The following PTPN4 variants were observed in gnomAD, a reference collection of about 807,000 sequenced individuals.
The protein encoded by PTPN4 is tyrosine-protein phosphatase non-receptor type 4.
Under a neutral mutation model 135.5 loss-of-function variants are expected in PTPN4, and 49 were observed. The ratio of observed to expected loss-of-function variants is 0.36; its 90% CI spans 0.29 to 0.46. PTPN4 has a LOEUF of 0.46. Ranked by LOEUF, PTPN4 falls within the 20% of genes least tolerant of loss-of-function variation. The pLI is 1.00. For synonymous variants in PTPN4, 333 were observed against 369.9 expected, an observed-to-expected ratio of 0.90 and a Z score of 1.14; for missense variants, 860 against 1,101.0, an observed-to-expected ratio of 0.78 and a Z score of 3.10.
chr2:119,847,982 A>G (rs1677530445), intron 2 of PTPN4, among the ~76,000 whole-genome samples: 1 of 148,732 alleles, frequency 6.7e-6, no homozygotes, highest in Non-Finnish European at 1.5e-5. Flanking sequence ...AGGAGTTGTC[A>G]TTTTTTCTTT....
At chr2:119,865,318 A>G (rs1183654627) in intron 3 of PTPN4, among the ~76,000 whole-genome samples, 1 of 152,172 alleles carries the variant, frequency 6.6e-6, no homozygotes, top group Non-Finnish European at 1.5e-5. Context: ...AGTATCATTT[A>G]TAAAACATCT....
At chr2:119,830,135 C>T (rs1677198362) in intron 2 of PTPN4, among the ~76,000 whole-genome samples, 1 of 152,118 alleles carries the variant, frequency 6.6e-6, no homozygotes, top group Admixed American at 6.5e-5. Flanking sequence ...CTATATTTTC[C>T]TCCAAGACTT....
At chr2:119,951,381 C>G (rs1351702779) in intron 18 of PTPN4, among the ~76,000 whole-genome samples, 1 of 152,078 alleles carries the variant, frequency 6.6e-6, no homozygotes, top group Non-Finnish European at 1.5e-5. Context: ...GATCAATTTC[C>G]TCTTTAGATT....
chr2:119,839,524 T>C (rs2104969153), intron 2 of PTPN4, among the ~76,000 whole-genome samples: 1 of 152,318 alleles, frequency 6.6e-6, no homozygotes, highest in East Asian at 1.9e-4. Context: ...GTTAAGTATA[T>C]CAGAAGTAGC....
At chr2:119,831,074 G>A (rs571137627) in intron 2 of PTPN4, among the ~76,000 whole-genome samples, 21 of 152,316 alleles carry the variant, frequency 1.4e-4, no homozygotes, top group Non-Finnish European at 2.4e-4. Context: ...GCAGTAGGGC[G>A]TGGTTTGGGG....
Position 119,787,401 on chromosome 2 carries a change from AAGT to A in PTPN4, c.-17-22431_-17-22429del, listed in dbSNP as rs1461444201. Among the ~76,000 whole-genome samples the A allele has an allele frequency of 2.0e-5, 3 of 152,312 alleles. No individual in the cohort carries two copies. In the East Asian group the frequency reaches 5.8e-4, roughly 29 times the overall value. On this transcript the variant is annotated intron_variant, in intron 1 of 26. Transcript: ENST00000263708. ...CCTTTTATTTGACACTTTAATGTTT[AAGT>A]AGTATTCTTATTAATATTCAAGATC...
intron 2 of PTPN4, among the ~76,000 whole-genome samples, chr2:119,844,429 G>A (rs1677450193): frequency 6.7e-6 from 1 of 149,366 alleles, no homozygotes; most frequent in African/African-American, 2.5e-5. Flanking sequence ...GGTGGCTGCT[G>A]GGCGGAGAGG....
chr2:119,860,555 T>C (rs1677747044), intron 2 of PTPN4, among the ~76,000 whole-genome samples: 1 of 152,204 alleles, frequency 6.6e-6, no homozygotes, highest in South Asian at 2.1e-4. Flanking sequence ...GCCTCTGTAC[T>C]TTCCATTATA....
At chr2:119,971,293 T>C (rs1264945795) in intron 26 of PTPN4, among the ~76,000 whole-genome samples, 1 of 152,108 alleles carries the variant, frequency 6.6e-6, no homozygotes, top group East Asian at 1.9e-4. Context: ...TGTAGAGAAC[T>C]CTATCACGAG....
intron 2 of PTPN4, among the ~76,000 whole-genome samples, chr2:119,836,463 G>C (rs942225018): frequency 6.6e-5 from 10 of 152,240 alleles, no homozygotes; most frequent in African/African-American, 2.4e-4. Flanking sequence ...GGCAGTGGCA[G>C]CCTGTCTGGA....
intron 2 of PTPN4, among the ~76,000 whole-genome samples, chr2:119,829,684 G>T (rs934749700): frequency 1.3e-5 from 2 of 152,110 alleles, no homozygotes; most frequent in South Asian, 4.2e-4. Flanking sequence ...ATGTTTTATT[G>T]TATGGGTATA....
At chr2:119,832,662 C>A (rs1213635708) in intron 2 of PTPN4, among the ~76,000 whole-genome samples, 1 of 151,836 alleles carries the variant, frequency 6.6e-6, no homozygotes, top group Non-Finnish European at 1.5e-5. Context: ...ACTTGTATAT[C>A]TTTTTCTCCT....
intron 15 of PTPN4, among the ~76,000 whole-genome samples, chr2:119,937,957 C>CAAA (rs75089215): frequency 2.3e-5 from 3 of 130,154 alleles, no homozygotes; most frequent in African/African-American, 8.5e-5. Flanking sequence ...AAACCAAAAC[C>CAAA]AAAAAAAAAA....
intron 3 of PTPN4, among the ~76,000 whole-genome samples, chr2:119,869,888 G>A (rs989153149): frequency 1.7e-4 from 26 of 152,300 alleles, no homozygotes; most frequent in African/African-American, 6.3e-4. Context: ...TCAAACCAGA[G>A]GAAAACTTAC....
chr2:119,854,810 C>T (rs570870470), intron 2 of PTPN4, among the ~76,000 whole-genome samples: 6 of 152,254 alleles, frequency 3.9e-5, no homozygotes, highest in South Asian at 2.1e-4. Flanking sequence ...CTGAAGCCTG[C>T]GTTGTTTCTT....
chr2:119,935,852 CATA>C (rs1429636346), intron 15 of PTPN4, among the ~76,000 whole-genome samples: 3 of 152,066 alleles, frequency 2.0e-5, no homozygotes, highest in African/African-American at 7.2e-5. Context: ...ACTTCTGTGA[CATA>C]AAAATGAATC....
At chr2:119,940,832 A>C (rs982928220) in intron 15 of PTPN4, among the ~76,000 whole-genome samples, 17 of 152,218 alleles carry the variant, frequency 1.1e-4, no homozygotes, top group South Asian at 2.1e-4. Context: ...TTTTTAAAAA[A>C]AATTCATGAT....
chr2:119,944,483 A>G (rs1679105488), intron 15 of PTPN4, among the ~76,000 whole-genome samples: 1 of 152,178 alleles, frequency 6.6e-6, no homozygotes, highest in South Asian at 2.1e-4. Context: ...TGTTGCCACA[A>G]ATTGAGGCTT....
At chr2:119,931,003 A>G (rs1398877789) in intron 13 of PTPN4, among the ~76,000 whole-genome samples, 1 of 152,070 alleles carries the variant, frequency 6.6e-6, no homozygotes, top group African/African-American at 2.4e-5. Context: ...ATTAACTATA[A>G]CCAAAAATAG....
Sources: gnomAD v4.1 joint callset for allele counts (sites outside exome capture counted in the v4.1 genomes callset) on GRCh38, gnomAD v4.1.1 for gene constraint, MANE v1.5 for transcripts, NCBI Gene and HGNC (gene_info 2026-07-23, HGNC 2026-07-21) for gene names.